Variants in UGT1A9 observed in about 807,000 individuals in gnomAD.
The protein encoded by UGT1A9 is UDP glucuronosyltransferase family 1 member A9.
In UGT1A9, 35 loss-of-function variants were observed where a neutral mutation model predicts 45.0. The observed-to-expected ratio is 0.78, with a 90% CI of 0.59 to 1.03. UGT1A9 has a LOEUF of 1.03. Among genes scored for constraint, UGT1A9 ranks in the 50% least tolerant of loss-of-function variants. UGT1A9 has a pLI of 0.00. For synonymous variants in UGT1A9, 278 were observed against 250.6 expected (o/e 1.11, Z -1.03); for missense variants, 687 against 666.6 (o/e 1.03, Z -0.34).
chr2:233,749,706 G>A (rs1034716164), intron 1 of UGT1A9, among the ~76,000 whole-genome samples: 7 of 151,828 alleles, frequency 4.6e-5, no homozygotes, highest in Non-Finnish European at 8.8e-5. Context: ...GAGGTGATTG[G>A]ATCATGGGGG....
chr2:233,767,741 T>TA (rs1481527437), intron 2 of UGT1A9, 108 bp from the exon 3 acceptor site: 1 of 1,582,034 alleles, frequency 6.3e-7, no homozygotes, highest in Non-Finnish European at 8.6e-7. Context: ...CCCACTCTGT[T>TA]AAAGACTGTT....
intron 1 of UGT1A9, chr2:233,718,892 C>A (rs775726544): frequency 6.2e-7 from 1 of 1,613,902 alleles, no homozygotes; most frequent in African/African-American, 1.3e-5. Flanking sequence ...GTGTCCAGCC[C>A]TGGGCTGAGA....
At chr2:233,713,906 T>C (rs759773170) in intron 1 of UGT1A9, 10 of 1,612,574 alleles carry the variant, frequency 6.2e-6, no homozygotes, top group Non-Finnish European at 8.5e-6. Flanking sequence ...CAAAACACTT[T>C]TTAAAAAATG....
At chr2:233,683,902 G>A (rs2074655536) in intron 1 of UGT1A9, among the ~76,000 whole-genome samples, 1 of 151,996 alleles carries the variant, frequency 6.6e-6, no homozygotes, top group South Asian at 2.1e-4. Flanking sequence ...CTCTTATTTT[G>A]GCGGAGCATA....
At chr2:233,721,341 A>G (rs1240342005) in intron 1 of UGT1A9, among the ~76,000 whole-genome samples, 4 of 152,142 alleles carry the variant, frequency 2.6e-5, no homozygotes, top group Admixed American at 2.6e-4. Context: ...CACTATGAAT[A>G]TATTCTTTAG....
intron 1 of UGT1A9, among the ~76,000 whole-genome samples, chr2:233,765,768 G>T (rs35640782): frequency 0.021 from 3,251 of 152,014 alleles, 121 homozygotes; most frequent in African/African-American, 0.073. Flanking sequence ...ATTCTTGGGG[G>T]ATTCATTGGA....
chr2:233,764,699 G>A (rs1698625659), intron 1 of UGT1A9, among the ~76,000 whole-genome samples: 1 of 152,188 alleles, frequency 6.6e-6, no homozygotes, highest in African/African-American at 2.4e-5. Flanking sequence ...ACTTGGAAAT[G>A]AGCTGTGTCT....
intron 1 of UGT1A9, chr2:233,719,497 C>T (rs774203287): frequency 1.2e-6 from 2 of 1,613,882 alleles, no homozygotes; most frequent in African/African-American, 2.7e-5. Flanking sequence ...ATTTGCCATA[C>T]TTTTTCTGCC....
intron 1 of UGT1A9, among the ~76,000 whole-genome samples, chr2:233,686,935 T>G (rs2074813266): frequency 6.6e-6 from 1 of 152,204 alleles, no homozygotes; most frequent in Non-Finnish European, 1.5e-5. Flanking sequence ...GGCTGACTCA[T>G]GCAGGGAAGC....
chr2:233,716,275 C>T (rs1026616764), intron 1 of UGT1A9, among the ~76,000 whole-genome samples: 2 of 152,138 alleles, frequency 1.3e-5, no homozygotes, highest in African/African-American at 2.4e-5. Flanking sequence ...ATGTCAAAAC[C>T]CTTAATATAA....
chr2:233,713,467 C>G, intron 1 of UGT1A9: 1 of 1,614,058 alleles, frequency 6.2e-7, no homozygotes, highest in Non-Finnish European at 8.5e-7. Flanking sequence ...CTCTGCGCGG[C>G]GGTGCTGGCT....
chr2:233,741,084 C>G (rs1460124994), intron 1 of UGT1A9, among the ~76,000 whole-genome samples: 1 of 151,860 alleles, frequency 6.6e-6, no homozygotes, highest in Non-Finnish European at 1.5e-5. Context: ...GTCTTTAAAA[C>G]AAACAAGCAA....
At position 233,672,639 on chromosome 2, in the gene UGT1A9, C is replaced by T. The variant is rs2074233943; in HGVS notation, c.705C>T (p.Leu235=). ...KNALEIASEI[L]QTPVTEYDLY... Reference sequence around the variant, plus strand: ...CCCTAGAAATAGCCTCTGAAATTCTCCAAACACCTGTTACGGAGTATGATC... The same window carrying T: ...CCCTAGAAATAGCCTCTGAAATTCTTCAAACACCTGTTACGGAGTATGATC... The change falls in exon 1 of 5, where the codon CTC becomes CTT. Residue 235 remains leucine (L), a synonymous_variant. Coordinates refer to ENST00000354728, the MANE Select transcript of UGT1A9 (RefSeq NM_021027.3). 2 of 1,613,896 alleles carry T rather than the reference C, an allele frequency of 1.2e-6. No homozygotes were observed. The highest frequency in any genetic ancestry group is 1.7e-5 in the Admixed American group (1 of 60,006).
chr2:233,715,559 C>G (rs1347075985), intron 1 of UGT1A9, among the ~76,000 whole-genome samples: 2 of 152,016 alleles, frequency 1.3e-5, no homozygotes, highest in African/African-American at 2.4e-5. Flanking sequence ...ATTGCTTGAG[C>G]CCAGGAGTCT....
At chr2:233,690,234 G>A (rs963789268) in intron 1 of UGT1A9, among the ~76,000 whole-genome samples, 1 of 152,128 alleles carries the variant, frequency 6.6e-6, no homozygotes, top group Non-Finnish European at 1.5e-5. Flanking sequence ...TCTAGATTCA[G>A]CAAATTTCTT....
chr2:233,738,227 A>G (rs1250315362), intron 1 of UGT1A9, among the ~76,000 whole-genome samples: 1 of 151,870 alleles, frequency 6.6e-6, no homozygotes, highest in African/African-American at 2.4e-5. Context: ...AAGTTTCCTG[A>G]GGCCCCTCCA....
At chr2:233,753,742 T>C (rs1695292071) in intron 1 of UGT1A9, 1 of 152,200 alleles carries the variant, frequency 6.6e-6, no homozygotes, top group African/African-American at 2.4e-5. Context: ...AGCACAGCAA[T>C]AGGACAGTTT....
At chr2:233,673,074 A>G (rs900439525) in intron 1 of UGT1A9, among the ~76,000 whole-genome samples, 1 of 152,186 alleles carries the variant, frequency 6.6e-6, no homozygotes, top group Non-Finnish European at 1.5e-5. Flanking sequence ...TAAGAAATGA[A>G]ACTTCCCTTT....
chr2:233,711,884 G>C (rs2076202262), intron 1 of UGT1A9, among the ~76,000 whole-genome samples: 1 of 152,204 alleles, frequency 6.6e-6, no homozygotes, highest in Non-Finnish European at 1.5e-5. Flanking sequence ...GGAGCAGGAC[G>C]AGTCTCATGG....
Sources: allele counts gnomAD v4.1 joint callset (sites outside exome capture counted in the v4.1 genomes callset), GRCh38; gene constraint gnomAD v4.1.1; transcripts MANE v1.5; gene names NCBI Gene and HGNC (gene_info 2026-07-23, HGNC 2026-07-21).